The following IQCJ variants were observed in gnomAD, a reference collection of about 807,000 sequenced individuals.
IQCJ encodes IQ motif containing J, also known as IQ domain-containing protein J.
Under a neutral mutation model 11.0 loss-of-function variants are expected in IQCJ, and 9 were observed. The observed-to-expected ratio is 0.82, with a 90% CI of 0.49 to 1.43. The LOEUF (loss-of-function observed/expected upper bound fraction) is 1.43, where lower values mean the gene tolerates loss of function less well. Ranked by LOEUF, IQCJ falls within the 40% of genes most tolerant of loss-of-function variation. The pLI, the probability that IQCJ is intolerant of heterozygous loss-of-function variation, is 0.00. For missense variants in IQCJ, 146 were observed against 133.2 expected, an observed-to-expected ratio of 1.10 and a Z score of -0.47; for synonymous variants, 55 against 51.3, an observed-to-expected ratio of 1.07 and a Z score of -0.31.
At chr3:159,127,388 A>G (rs1719737060) in intron 1 of IQCJ, among the ~76,000 whole-genome samples, 1 of 152,046 alleles carries the variant, frequency 6.6e-6, no homozygotes. Flanking sequence ...CCAAGTTTAC[A>G]CCCCTGTATG....
intron 1 of IQCJ, among the ~76,000 whole-genome samples, chr3:159,226,833 G>A (rs1353036664): frequency 6.6e-6 from 1 of 152,088 alleles, no homozygotes; most frequent in African/African-American, 2.4e-5. Flanking sequence ...TTTTTGATTG[G>A]GTGATGGTCA....
chr3:159,165,667 G>T (rs567428927), intron 1 of IQCJ, among the ~76,000 whole-genome samples: 48 of 151,300 alleles, frequency 3.2e-4, no homozygotes, highest in African/African-American at 1.1e-3. Flanking sequence ...AGGCTGGAGT[G>T]CAGTGGCTCG....
chr3:159,160,372 G>A (rs1052406487), intron 1 of IQCJ, among the ~76,000 whole-genome samples: 12 of 151,234 alleles, frequency 7.9e-5, no homozygotes, highest in Admixed American at 5.3e-4. Flanking sequence ...GTGTGATCTC[G>A]GCTCACTGCA....
chr3:159,231,631 G>T (rs1025979109), intron 1 of IQCJ, among the ~76,000 whole-genome samples: 3 of 152,172 alleles, frequency 2.0e-5, no homozygotes, highest in Non-Finnish European at 4.4e-5. Context: ...GTATCAGGAT[G>T]ATGCTGGCCT....
intron 1 of IQCJ, among the ~76,000 whole-genome samples, chr3:159,185,802 A>G (rs1187718967): frequency 6.6e-6 from 1 of 152,140 alleles, no homozygotes; most frequent in African/African-American, 2.4e-5. Context: ...TCCTCAAAAC[A>G]TGGTATCTGG....
intron 1 of IQCJ, among the ~76,000 whole-genome samples, chr3:159,174,094 T>C (rs886725982): frequency 2.0e-5 from 3 of 152,170 alleles, no homozygotes; most frequent in Non-Finnish European, 4.4e-5. Context: ...CTGAGAATTT[T>C]TAAAAAATTG....
chr3:159,224,838 T>C (rs1725754359), intron 1 of IQCJ, among the ~76,000 whole-genome samples: 1 of 152,190 alleles, frequency 6.6e-6, no homozygotes, highest in Admixed American at 6.5e-5. Context: ...GGAGAATCTG[T>C]ACATTTAAAA....
At chr3:159,168,534 G>A (rs1215300731) in intron 1 of IQCJ, among the ~76,000 whole-genome samples, 3 of 151,990 alleles carry the variant, frequency 2.0e-5, no homozygotes, top group African/African-American at 4.8e-5. Context: ...GGTACCAATG[G>A]TCATACCTGA....
chr3:159,184,505 T>C (rs1029649880), intron 1 of IQCJ, among the ~76,000 whole-genome samples: 2 of 152,236 alleles, frequency 1.3e-5, no homozygotes, highest in African/African-American at 2.4e-5. Flanking sequence ...ATGTAAACTT[T>C]AGAAGAACAG....
intron 1 of IQCJ, among the ~76,000 whole-genome samples, chr3:159,131,224 T>G (rs983812085): frequency 1.3e-5 from 2 of 152,184 alleles, no homozygotes; most frequent in African/African-American, 4.8e-5. Flanking sequence ...TTCAGTTTCT[T>G]GACATGTCAA....
intron 1 of IQCJ, among the ~76,000 whole-genome samples, chr3:159,160,622 G>T (rs1004907467): frequency 6.6e-5 from 10 of 151,904 alleles, no homozygotes; most frequent in African/African-American, 1.9e-4. Context: ...ATGCTGGTGT[G>T]CTGCACCCAT....
At chr3:159,126,820 G>C (rs779695872) in intron 1 of IQCJ, among the ~76,000 whole-genome samples, 2 of 152,128 alleles carry the variant, frequency 1.3e-5, no homozygotes, top group Non-Finnish European at 2.9e-5. Flanking sequence ...TGTTGATACA[G>C]TGCTTCCAAG....
chr3:159,195,286 C>T (rs1365204793), intron 1 of IQCJ, among the ~76,000 whole-genome samples: 2 of 152,214 alleles, frequency 1.3e-5, no homozygotes, highest in African/African-American at 2.4e-5. Flanking sequence ...TAGTGCCTTT[C>T]TTCTCTTAGA....
At chr3:159,088,302 G>C (rs200274737) in intron 1 of IQCJ, among the ~76,000 whole-genome samples, 50,823 of 151,802 alleles carry the variant, frequency 0.33, 10,121 homozygotes, top group Non-Finnish European at 0.46. Flanking sequence ...TATAATTTCT[G>C]TTCTTTTACA....
intron 1 of IQCJ, among the ~76,000 whole-genome samples, chr3:159,222,411 G>A (rs973304183): frequency 3.1e-4 from 47 of 152,156 alleles, no homozygotes; most frequent in African/African-American, 1.1e-3. Context: ...CATGCTAAGT[G>A]AAATATGCCA....
chr3:159,086,032 G>A (rs1716737833), intron 1 of IQCJ, among the ~76,000 whole-genome samples: 1 of 152,150 alleles, frequency 6.6e-6, no homozygotes, highest in African/African-American at 2.4e-5. Flanking sequence ...TTTTCTTCTA[G>A]GGTTTTTATG....
At chr3:159,119,800 A>G (rs1208035729) in intron 1 of IQCJ, among the ~76,000 whole-genome samples, 1 of 152,130 alleles carries the variant, frequency 6.6e-6, no homozygotes, top group Non-Finnish European at 1.5e-5. Context: ...CCCATTCCGT[A>G]TGGGTTGGGG....
intron 1 of IQCJ, among the ~76,000 whole-genome samples, chr3:159,151,917 A>C (rs1354351255): frequency 1.3e-5 from 2 of 152,242 alleles, no homozygotes; most frequent in Non-Finnish European, 2.9e-5. Flanking sequence ...TACAGGCGTG[A>C]GCCATCACAC....
At chr3:159,081,910 A>G (rs1019522096) in intron 1 of IQCJ, among the ~76,000 whole-genome samples, 1 of 152,150 alleles carries the variant, frequency 6.6e-6, no homozygotes, top group East Asian at 1.9e-4. Context: ...CTTGTATTTC[A>G]GCAATTCATT....
Sources: gnomAD v4.1 joint callset for allele counts (sites outside exome capture counted in the v4.1 genomes callset) on GRCh38, gnomAD v4.1.1 for gene constraint, MANE v1.5 for transcripts, NCBI Gene and HGNC (gene_info 2026-07-23, HGNC 2026-07-21) for gene names.